The following AHR variants were observed in gnomAD, a reference collection of about 807,000 sequenced individuals.
AHR encodes aryl hydrocarbon receptor, also known as AH-receptor.
Under a neutral mutation model 86.8 loss-of-function variants are expected in AHR, and 40 were observed. The ratio of observed to expected loss-of-function variants is 0.46; its 90% confidence interval spans 0.36 to 0.60. The LOEUF (loss-of-function observed/expected upper bound fraction) is 0.60. Ranked by LOEUF, AHR falls within the 20% of genes least tolerant of loss-of-function variation. AHR has a pLI of 0.00. For missense variants in AHR, 1,001 were observed against 1,011.6 expected, an observed-to-expected ratio of 0.99 and a Z score of 0.14; for synonymous variants, 398 against 354.9, an observed-to-expected ratio of 1.12 and a Z score of -1.37.
At chr7:17,307,869 G>T (rs558627204) in intron 1 of AHR, among the ~76,000 whole-genome samples, 1 of 152,080 alleles carries the variant, frequency 6.6e-6, no homozygotes, top group Admixed American at 6.6e-5. Context: ...TCGTTACTTT[G>T]CTGTCTCCTC....
intron 2 of AHR, among the ~76,000 whole-genome samples, chr7:17,319,975 A>T (rs897310610): frequency 6.6e-6 from 1 of 152,098 alleles, no homozygotes; most frequent in African/African-American, 2.4e-5. Flanking sequence ...CACAAGAGCA[A>T]CAGAAATATT....
chr7:17,312,521 TAC>T (rs1286609186), intron 2 of AHR, among the ~76,000 whole-genome samples: 4 of 152,222 alleles, frequency 2.6e-5, no homozygotes, highest in African/African-American at 9.6e-5. Flanking sequence ...CATGTATGTA[TAC>T]ACACAGACAC....
At chr7:17,312,623 CAG>C (rs2115354378) in intron 2 of AHR, among the ~76,000 whole-genome samples, 1 of 152,268 alleles carries the variant, frequency 6.6e-6, no homozygotes, top group South Asian at 2.1e-4. Context: ...TAGTTTAACA[CAG>C]GGTTCATCAC....
intron 2 of AHR, among the ~76,000 whole-genome samples, chr7:17,314,294 C>T (rs1248165347): frequency 6.6e-6 from 1 of 151,968 alleles, no homozygotes; most frequent in South Asian, 2.1e-4. Context: ...AATCATTATA[C>T]ATGCTTAAAA....
intron 10 of AHR, 128 bp downstream of exon 10, chr7:17,340,356 A>T: frequency 7.9e-7 from 1 of 1,258,228 alleles, no homozygotes; most frequent in Non-Finnish European, 1.0e-6. Context: ...AGCATTTTTT[A>T]TTATATCTGT....
At position 17,342,823 on chromosome 7, in the gene AHR, A is replaced by G; in HGVS notation, c.2404-98A>G. 4 of 1,194,752 alleles carry G rather than the reference A, an allele frequency of 3.3e-6. No homozygotes were observed. In the South Asian group the frequency reaches 6.1e-5, roughly 18 times the overall value. The allele number at this position is 1,194,752 out of a possible 1,614,324, so 74.0% of individuals were successfully genotyped here. On this transcript the variant is annotated intron_variant, in intron 10 of 10. Transcript: ENST00000242057. ...AAGGAACTTGAAGTTTACAACTCTCAGGGGTAAGATTTTAAAAATACATGT... is the reference window on the plus strand; with the variant it reads ...AAGGAACTTGAAGTTTACAACTCTCGGGGGTAAGATTTTAAAAATACATGT...
In AHR at chr7:17,324,311, G is replaced by A. The variant is rs1005210838; in HGVS notation, c.360+1704G>A. Among the ~76,000 whole-genome samples, 34 of 152,104 alleles carry A rather than the reference G, an allele frequency of 2.2e-4. 1 individual carries two copies. The highest frequency in any genetic ancestry group is 2.1e-4 in the South Asian group (1 of 4,830). ...GAAGAAGATGACTAAAAACATTATA[G>A]ATATGTGGAAATGGCTGTTTGATTA... On this transcript the variant is annotated intron_variant, in intron 3 of 10. Transcript: ENST00000242057.
intron 1 of AHR, among the ~76,000 whole-genome samples, chr7:17,308,503 T>G (rs965566652): frequency 2.6e-5 from 4 of 152,172 alleles, no homozygotes; most frequent in African/African-American, 9.7e-5. Context: ...AATTACACAA[T>G]GAGGTAGACA....
chr7:17,307,932 A>T (rs1782022363), intron 1 of AHR, among the ~76,000 whole-genome samples: 1 of 152,068 alleles, frequency 6.6e-6, no homozygotes, highest in Non-Finnish European at 1.5e-5. Context: ...CATTTTACTC[A>T]TGTCTGTCCT....
At chr7:17,315,947 C>G (rs1009199485) in intron 2 of AHR, among the ~76,000 whole-genome samples, 4 of 151,668 alleles carry the variant, frequency 2.6e-5, no homozygotes, top group Non-Finnish European at 4.4e-5. Context: ...ACATTTTAAG[C>G]CATTAAAGTG....
chr7:17,338,179 A>G (rs1782375721), intron 9 of AHR, among the ~76,000 whole-genome samples: 1 of 150,070 alleles, frequency 6.7e-6, no homozygotes. Context: ...AGCCTGGGCG[A>G]CAGAGCGAGA....
At chr7:17,335,074 G>A (rs1229722589) in intron 8 of AHR, 78 bp downstream of exon 8, 2 of 1,049,826 alleles carry the variant, frequency 1.9e-6, no homozygotes, top group African/African-American at 1.6e-5. Context: ...CTTACGTAAT[G>A]TAAAGTGTTT....
chr7:17,312,577 A>G (rs142584328), intron 2 of AHR, among the ~76,000 whole-genome samples: 127 of 152,288 alleles, frequency 8.3e-4, no homozygotes, highest in African/African-American at 3.0e-3. Context: ...GCTTCAAGTA[A>G]AGGAGATCTC....
At chr7:17,318,340 G>A (rs1269476049) in intron 2 of AHR, among the ~76,000 whole-genome samples, 1 of 152,056 alleles carries the variant, frequency 6.6e-6, no homozygotes, top group Non-Finnish European at 1.5e-5. Context: ...ACATGGATAT[G>A]GTTAAATGCA....
chr7:17,334,614 C>G (rs1398868569), intron 7 of AHR, among the ~76,000 whole-genome samples: 4 of 151,938 alleles, frequency 2.6e-5, no homozygotes, highest in Admixed American at 6.6e-5. Flanking sequence ...TTCTGTTACC[C>G]ATACATCTGC....
At chr7:17,317,918 T>C (rs575608217) in intron 2 of AHR, among the ~76,000 whole-genome samples, 1 of 152,012 alleles carries the variant, frequency 6.6e-6, no homozygotes, top group East Asian at 1.9e-4. Context: ...CAGAGATTTG[T>C]CATATAGTTA....
intron 1 of AHR, among the ~76,000 whole-genome samples, chr7:17,301,678 CT>C (rs1397783286): frequency 4.6e-5 from 7 of 151,948 alleles, no homozygotes; most frequent in South Asian, 2.1e-4. Context: ...TCAACCCCCC[CT>C]AGTGGCGGCT....
chr7:17,330,157 A>G, intron 5 of AHR, 82 bp downstream of exon 5: 1 of 1,320,006 alleles, frequency 7.6e-7, no homozygotes. Flanking sequence ...CTGTAGGGTC[A>G]TAGAACTCCA....
chr7:17,309,897 T>C (rs2115352942), intron 1 of AHR, 39 bp from the exon 2 acceptor site: 1 of 1,470,670 alleles, frequency 6.8e-7, no homozygotes, highest in East Asian at 2.4e-5. Context: ...GCTTTATATT[T>C]TTTAAAGGAT....
Sources: gnomAD v4.1 joint callset for allele counts (sites outside exome capture counted in the v4.1 genomes callset) on GRCh38, gnomAD v4.1.1 for gene constraint, MANE v1.5 for transcripts, NCBI Gene and HGNC (gene_info 2026-07-23, HGNC 2026-07-21) for gene names.